The following TTN variants were observed in gnomAD, a reference collection of about 807,000 sequenced individuals.
TTN encodes the protein titin.
TTN carries 1,525 observed loss-of-function variants against 3,223.0 expected under a neutral mutation model. The observed-to-expected ratio is 0.47, with a 90% CI of 0.45 to 0.49. The LOEUF (loss-of-function observed/expected upper bound fraction) is 0.49. TTN is among the 20% of genes least tolerant of loss of function. TTN has a pLI of 0.00. For missense variants in TTN, 40,786 were observed against 43,424.0 expected (o/e 0.94, Z 5.40); for synonymous variants, 14,094 against 15,161.0 (o/e 0.93, Z 5.17).
At chr2:178,736,810 T>C (rs1461081768) in intron 49 of TTN, among the ~76,000 whole-genome samples, 1 of 152,214 alleles carries the variant, frequency 6.6e-6, no homozygotes, top group African/African-American at 2.4e-5. Flanking sequence ...TGGAGACATT[T>C]TGACCAGAGT....
chr2:178,540,805 C>CA (rs1229319197), intron 350 of TTN, among the ~76,000 whole-genome samples: 2 of 151,660 alleles, frequency 1.3e-5, no homozygotes, highest in African/African-American at 2.4e-5. Flanking sequence ...CAAAAAAACA[C>CA]AAAAAAACAA....
Position 178,608,809 on chromosome 2 carries a change from A to G in TTN, c.52202T>C (p.Ile17401Thr), listed in dbSNP as rs1410389607. 6.2e-7 allele frequency: 1 copy of G among 1,612,432 alleles called. No homozygotes were observed. The highest frequency in any genetic ancestry group is 8.5e-7 in the Non-Finnish European group (1 of 1,179,238). The change falls in exon 274 of 363, where the codon ATC (isoleucine) becomes ACC (threonine). Residue 17401 changes from isoleucine to threonine, a missense_variant. Coordinates refer to ENST00000589042, the MANE Select transcript of TTN (RefSeq NM_001267550.2). Reference sequence around the variant, plus strand: ...TTTCTTTTCCAAAGTGTAGTTTATGATTTCACTGCCACCATCATCAAGGGG... The same window carrying G: ...TTTCTTTTCCAAAGTGTAGTTTATGGTTTCACTGCCACCATCATCAAGGGG... ...EPPLDDGGSEIINYTLEKKDK... is the reference protein window; with the variant it reads ...EPPLDDGGSETINYTLEKKDK...
In TTN at chr2:178,526,986, T is replaced by C. The variant is rs780154107; in HGVS notation, c.*26A>G. The C allele has an allele frequency of 2.6e-6, 4 of 1,566,228 alleles. No homozygotes were observed. The highest frequency in any genetic ancestry group is 1.8e-5 in the Admixed American group (1 of 55,856). ...ACGTTTGCGAAAAGTTAAGAATGAG[T>C]GTAGAGTATAAGGGCACAGGCCCTC... On this transcript the variant is annotated 3_prime_UTR_variant, in exon 363 of 363. Coordinates refer to ENST00000589042, the MANE Select transcript of TTN (RefSeq NM_001267550.2).
In TTN at chr2:178,773,256, T is replaced by G. The variant is rs779361884; in HGVS notation, c.7708A>C (p.Lys2570Gln). The change falls in exon 33 of 363, where the codon AAG becomes CAG. Residue 2570 changes from lysine (K) to glutamine (Q), a missense_variant. Physicochemically the swap from Lys to Gln is moderately conservative, Grantham distance 53. Transcript: ENST00000589042. Reference protein sequence around the residue: ...GIDVLWNFKDKEIKPSSKYKI... With the variant: ...GIDVLWNFKDQEIKPSSKYKI... ...TATTTAGAACTGGGCTTGATTTCCT[T>G]GTCCTTAAAATTCCACAGGACATCA... 1 of 1,613,968 alleles carries G rather than the reference T, an allele frequency of 6.2e-7. No individual in the cohort carries two copies. Among genetic ancestry groups the G allele is most frequent in the Non-Finnish European group, 8.5e-7 (1 of 1,179,940 alleles).
At position 178,572,259 on chromosome 2, in the gene TTN, A is replaced by G. The variant is rs545556079; in HGVS notation, c.73873T>C (p.Leu24625=). 1.8e-5 allele frequency: 29 copies of G among 1,613,178 alleles called. No individual in the cohort carries two copies. Among genetic ancestry groups the G allele is most frequent in the African/African-American group, 1.2e-4 (9 of 74,962 alleles). ...ERPLPPGKIT[L]MDVTRNSVSL... Reference sequence around the variant, plus strand: ...ACACTATTTCTTGTGACATCCATCAAAGTTATTTTTCCTGGAGGAAGAGGT... The same window carrying G: ...ACACTATTTCTTGTGACATCCATCAGAGTTATTTTTCCTGGAGGAAGAGGT... Residue 24625 remains leucine (L), a synonymous_variant, in exon 326 of 363, where the codon TTG becomes CTG. Transcript: ENST00000589042.
intron 243 of TTN, 145 bp downstream of exon 243, chr2:178,622,525 A>G: frequency 1.6e-6 from 1 of 628,190 alleles, no homozygotes; most frequent in African/African-American, 1.9e-5. Context: ...TAAAGTCAAG[A>G]ATACATTTTA....
chr2:178,692,646 T>G, intron 119 of TTN, 66 bp from the exon 120 acceptor site: 1 of 1,237,082 alleles, frequency 8.1e-7, no homozygotes, highest in African/African-American at 1.5e-5. Context: ...GTTGTAAGAC[T>G]TAGAATTAAA....
Position 178,736,058 on chromosome 2 carries a change from G to A in TTN, c.14388C>T (p.Thr4796=). 6.3e-7 allele frequency: 1 copy of A among 1,584,648 alleles called. No homozygotes were observed. Among genetic ancestry groups the A allele is most frequent in the Non-Finnish European group, 8.6e-7 (1 of 1,165,628 alleles). Reference sequence around the variant, plus strand: ...TAAGGGACTTAGGTCTGGAGAGAAAGGTTGGTGGATATGCCTCTGCAAAAG... The same window carrying A: ...TAAGGGACTTAGGTCTGGAGAGAAAAGTTGGTGGATATGCCTCTGCAAAAG... The part of the protein sequence containing the change: ...TLTVTEAYPP[T]FLSRPKSLTT... The change falls in exon 50 of 363, where the codon ACC becomes ACT. Residue 4796 remains threonine (T), a synonymous_variant. Transcript: ENST00000589042.
chr2:178,555,226 A>T, intron 330 of TTN, 74 bp from the exon 331 acceptor site: 3 of 1,383,336 alleles, frequency 2.2e-6, no homozygotes, highest in Non-Finnish European at 3.0e-6. Flanking sequence ...CCAACCTTAA[A>T]GTAAGGTCAT....
chr2:178,705,490 T>C (rs377740663), intron 102 of TTN, 133 bp from the exon 103 acceptor site: 18 of 755,168 alleles, frequency 2.4e-5, no homozygotes, highest in African/African-American at 1.8e-4. Context: ...AATTTTACCA[T>C]GTTAGCTGTG....
rs780964196 is a variant in TTN at position 178,547,563 on chromosome 2, C to T, written c.94063G>A (p.Ala31355Thr). 1.2e-6 allele frequency: 2 copies of T among 1,613,820 alleles called. No homozygotes were observed. The highest frequency in any genetic ancestry group is 4.5e-5 in the East Asian group (2 of 44,844). The change falls in exon 339 of 363, where the codon GCT (alanine) becomes ACT (threonine). Residue 31355 changes from alanine to threonine, a missense_variant. Ala to Thr is a moderately conservative substitution (Grantham distance 58). Coordinates refer to ENST00000589042, the MANE Select transcript of TTN (RefSeq NM_001267550.2). ...IVEKRESGTT[A>T]WQLVNSSVKR... ...ACACTGGAATTGACAAGCTGCCAAG[C>T]TGTTGTACCCGATTCACGCTTTTCA...
Position 178,542,760 on chromosome 2 carries a change from G to C in TTN, c.97094C>G (p.Thr32365Ser). Residue 32365 changes from threonine (T) to serine (S), a missense_variant, in exon 348 of 363, where the codon ACC (threonine) becomes AGC (serine). Thr to Ser is a moderately conservative substitution (Grantham distance 58). Coordinates refer to ENST00000589042, the MANE Select transcript of TTN (RefSeq NM_001267550.2). The stretch of plus-strand genomic sequence containing the variant: ...ATCTCTGATAGTGGTTTCACGGATG[G>C]TTAATTTAGCTACTTTAGTGTGAGT... ...VETHTKVAKL[T>S]IRETTIRDTG... 1.2e-6 allele frequency: 2 copies of C among 1,613,742 alleles called. No individual in the cohort carries two copies. Among genetic ancestry groups the C allele is most frequent in the East Asian group, 2.2e-5 (1 of 44,854 alleles).
intron 131 of TTN, 114 bp from the exon 132 acceptor site, chr2:178,684,527 A>T (rs568487396): frequency 2.2e-6 from 3 of 1,368,762 alleles, no homozygotes; most frequent in East Asian, 4.7e-5. Context: ...CACACACAAA[A>T]ACATCACAAG....
At position 178,740,963 on chromosome 2, in the gene TTN, C is replaced by T; in HGVS notation, c.12270G>A (p.Gln4090=). The T allele has an allele frequency of 6.2e-7, 1 of 1,613,888 alleles. No individual in the cohort carries two copies. The highest frequency in any genetic ancestry group is 8.5e-7 in the Non-Finnish European group (1 of 1,179,844). Residue 4090 remains glutamine, a synonymous_variant, in exon 48 of 363, where the codon CAG becomes CAA. Transcript: ENST00000589042. The stretch of plus-strand genomic sequence containing the variant: ...TAGCAATATGCTCATAAGATAGTTG[C>T]TGGTTTTCTTCTGTAATTAAAGCAG... ...LKAALITEEN[Q]QLSYEHIAKA...
chr2:178,754,670 G>C (rs2366910), intron 46 of TTN, among the ~76,000 whole-genome samples: 148,631 of 152,238 alleles, frequency 0.98, 72,670 homozygotes, highest in East Asian at 1. Flanking sequence ...AATAAATAGT[G>C]ACTCTGTGTG....
chr2:178,795,313 T>C, intron 6 of TTN, 61 bp from the exon 7 acceptor site: 1 of 1,524,936 alleles, frequency 6.6e-7, no homozygotes, highest in Non-Finnish European at 9.1e-7. Flanking sequence ...TGGATGTGAA[T>C]CATGAGATGA....
rs748877369 is a variant in TTN, at chr2:178,713,103, C to A, written c.27031G>T (p.Ala9011Ser). The change falls in exon 93 of 363, where the codon GCT becomes TCT. Residue 9011 changes from alanine to serine, a missense_variant. Coordinates refer to ENST00000589042, the MANE Select transcript of TTN (RefSeq NM_001267550.2). ...TNMAGSDECS[A>S]PLTVREPPSF... ...AACTGACCTCTCACAGTCAAAGGAG[C>A]ACTACATTCATCAGAACCAGCCATA... is the stretch of plus-strand genomic sequence containing the variant. 6.2e-7 allele frequency: 1 copy of A among 1,613,336 alleles called. No homozygotes were observed. Among genetic ancestry groups the A allele is most frequent in the Non-Finnish European group, 8.5e-7 (1 of 1,179,546 alleles).
In TTN at chr2:178,633,276, C is replaced by G; in HGVS notation, c.42997G>C (p.Gly14333Arg). The G allele has an allele frequency of 6.2e-7, 1 of 1,613,282 alleles. No homozygotes were observed. The highest frequency in any genetic ancestry group is 1.1e-5 in the South Asian group (1 of 91,044). ...KPLYGVEVFV[G>R]ETAHFEIELS... ...TCAATTTCAAAGTGGGCTGTTTCAC[C>G]AACAAACACCTCTACTCCGTACAGA... The change falls in exon 233 of 363, where the codon GGT becomes CGT. Residue 14333 changes from glycine to arginine, a missense_variant. By Grantham distance (125) the Gly-to-Arg change is moderately radical (BLOSUM62 -2). Coordinates refer to ENST00000589042, the MANE Select transcript of TTN (RefSeq NM_001267550.2).
chr2:178,678,584 TAA>T, intron 143 of TTN, 87 bp from the exon 144 acceptor site: 6 of 1,234,978 alleles, frequency 4.9e-6, no homozygotes, highest in Non-Finnish European at 6.7e-6. Context: ...GATAAGGTAA[TAA>T]AAGTATGACA....
Sources: gnomAD v4.1 joint callset for allele counts (sites outside exome capture counted in the v4.1 genomes callset) on GRCh38, gnomAD v4.1.1 for gene constraint, MANE v1.5 for transcripts, NCBI Gene and HGNC (gene_info 2026-07-23, HGNC 2026-07-21) for gene names.